The following TCF12 variants were observed in gnomAD, a reference collection of about 807,000 sequenced individuals.
The protein encoded by TCF12 is DNA-binding protein HTF4.
In TCF12, 45 loss-of-function variants were observed where a neutral mutation model predicts 86.0. The observed-to-expected ratio is 0.52, with a 90% CI of 0.41 to 0.67. The LOEUF (loss-of-function observed/expected upper bound fraction) is 0.67, where lower values mean the gene tolerates loss of function less well. Ranked by LOEUF, TCF12 falls within the 30% of genes least tolerant of loss-of-function variation. The pLI, the probability that TCF12 is intolerant of heterozygous loss-of-function variation, is 0.00. For synonymous variants in TCF12, 330 were observed against 299.6 expected (o/e 1.10, Z -1.05); for missense variants, 881 against 859.9 (o/e 1.02, Z -0.31).
At chr15:56,946,798 C>CTT (rs71113039) in intron 3 of TCF12, among the ~76,000 whole-genome samples, 2,333 of 113,530 alleles carry the variant, frequency 0.021, 110 homozygotes, top group Non-Finnish European at 0.029. Context: ...TCTAAAGTAC[C>CTT]TTTTTTTTTT....
chr15:57,278,809 C>T (rs2061541674), intron 19 of TCF12: 1 of 149,376 alleles, frequency 6.7e-6, no homozygotes, highest in Non-Finnish European at 1.5e-5. Context: ...GTCCCTGTCT[C>T]TCCTTTTCTT....
At chr15:57,021,899 C>T (rs531127256) in intron 3 of TCF12, among the ~76,000 whole-genome samples, 1 of 152,024 alleles carries the variant, frequency 6.6e-6, no homozygotes, top group East Asian at 1.9e-4. Context: ...TTAATCAGTC[C>T]CCGGCTTGTA....
At chr15:57,030,712 C>A (rs2066119012) in intron 3 of TCF12, among the ~76,000 whole-genome samples, 1 of 152,130 alleles carries the variant, frequency 6.6e-6, no homozygotes. Flanking sequence ...TCTTCTTTTT[C>A]TGTTTTCAAT....
intron 6 of TCF12, among the ~76,000 whole-genome samples, chr15:57,177,916 G>T (rs897595873): frequency 1.3e-5 from 2 of 151,916 alleles, no homozygotes; most frequent in African/African-American, 4.8e-5. Context: ...TTGCCATGTT[G>T]CCCAGGCTGC....
chr15:56,998,391 A>C (rs1567226076), intron 3 of TCF12, among the ~76,000 whole-genome samples: 1 of 149,516 alleles, frequency 6.7e-6, no homozygotes, highest in East Asian at 2.0e-4. Context: ...CAGGAGGTGG[A>C]GACTGCAGTG....
At chr15:56,927,413 A>T (rs1439307837) in intron 3 of TCF12, among the ~76,000 whole-genome samples, 1 of 152,176 alleles carries the variant, frequency 6.6e-6, no homozygotes, top group Non-Finnish European at 1.5e-5. Flanking sequence ...TTTTTCTTAT[A>T]GTTCCGTTTG....
intron 4 of TCF12, among the ~76,000 whole-genome samples, chr15:57,073,591 C>A (rs1407589561): frequency 3.3e-5 from 5 of 152,166 alleles, no homozygotes; most frequent in Non-Finnish European, 7.3e-5. Context: ...AGGTAGATAA[C>A]TTATCAGATA....
Position 57,286,254 on chromosome 15 carries a change from A to G in TCF12, c.*109A>G, listed in dbSNP as rs1372354236. Reference sequence around the variant, plus strand: ...AAGACACAAACCTGACAGGAGGGAGAAGAAAAAACAAAACACTTGAACCAA... The same window carrying G: ...AAGACACAAACCTGACAGGAGGGAGGAGAAAAAACAAAACACTTGAACCAA... On this transcript the variant is annotated 3_prime_UTR_variant, in exon 21 of 21. Transcript: ENST00000333725. 1.0e-5 allele frequency: 2 copies of G among 199,670 alleles called. No individual in the cohort carries two copies. Among genetic ancestry groups the G allele is most frequent in the African/African-American group, 4.7e-5 (2 of 42,576 alleles). 12.4% of individuals were successfully genotyped at this position (199,670 alleles called of 1,614,324 possible). A position where few individuals can be genotyped will look rare whatever the true frequency, so the allele number is the denominator to read the frequency against.
chr15:57,282,294 T>A, intron 19 of TCF12, 151 bp from the exon 20 acceptor site: 3 of 846,870 alleles, frequency 3.5e-6, no homozygotes, highest in Non-Finnish European at 5.5e-6. Context: ...CTCAGTTCAA[T>A]GCTGAGGTTT....
intron 5 of TCF12, among the ~76,000 whole-genome samples, chr15:57,137,044 A>C (rs1242487418): frequency 7.8e-6 from 1 of 128,562 alleles, no homozygotes. Context: ...CAGTGGCGCG[A>C]TCTCGGCTCA....
intron 6 of TCF12, among the ~76,000 whole-genome samples, chr15:57,181,767 A>G (rs1248296973): frequency 1.3e-5 from 2 of 152,324 alleles, no homozygotes; most frequent in African/African-American, 4.8e-5. Flanking sequence ...CACAGGCTAG[A>G]GGTTTGTCAT....
At chr15:57,024,124 A>G (rs1328933227) in intron 3 of TCF12, among the ~76,000 whole-genome samples, 2 of 152,072 alleles carry the variant, frequency 1.3e-5, no homozygotes, top group African/African-American at 4.8e-5. Context: ...AAGAAGCAAG[A>G]CAAATAACTG....
At chr15:57,119,116 C>T (rs985576122) in intron 5 of TCF12, among the ~76,000 whole-genome samples, 1 of 151,838 alleles carries the variant, frequency 6.6e-6, no homozygotes, top group African/African-American at 2.4e-5. Flanking sequence ...TTTTTTGTGA[C>T]GGAGTCTCAC....
At chr15:56,962,412 C>T (rs1486643478) in intron 3 of TCF12, among the ~76,000 whole-genome samples, 2 of 151,990 alleles carry the variant, frequency 1.3e-5, no homozygotes, top group African/African-American at 4.8e-5. Context: ...TGTTCTTAGT[C>T]GCCTTTAGTC....
chr15:57,059,889 A>G (rs1157245738), intron 3 of TCF12, among the ~76,000 whole-genome samples: 1 of 151,688 alleles, frequency 6.6e-6, no homozygotes, highest in African/African-American at 2.4e-5. Context: ...TGGTGGCTTG[A>G]TGAAAGGGAA....
chr15:57,123,518 T>C (rs1196193081), intron 5 of TCF12, among the ~76,000 whole-genome samples: 1 of 152,076 alleles, frequency 6.6e-6, no homozygotes, highest in Non-Finnish European at 1.5e-5. Context: ...TTCTCTTTTT[T>C]TTTTTCTTTT....
At chr15:57,037,167 G>C (rs1303833414) in intron 3 of TCF12, among the ~76,000 whole-genome samples, 1 of 152,138 alleles carries the variant, frequency 6.6e-6, no homozygotes, top group African/African-American at 2.4e-5. Context: ...AGTATAAGGG[G>C]CTCGAGCACG....
intron 3 of TCF12, among the ~76,000 whole-genome samples, chr15:57,017,920 C>T (rs2065247671): frequency 6.6e-6 from 1 of 152,044 alleles, no homozygotes; most frequent in Non-Finnish European, 1.5e-5. Context: ...GGAAAGAAGG[C>T]AAGGGACACC....
chr15:57,235,642 GGT>G (rs1445337896), intron 12 of TCF12, among the ~76,000 whole-genome samples: 2 of 152,178 alleles, frequency 1.3e-5, no homozygotes, highest in Admixed American at 1.3e-4. Flanking sequence ...AAGGTCTCCA[GGT>G]ATTTGATTGG....
Sources: gnomAD v4.1 joint callset for allele counts (sites outside exome capture counted in the v4.1 genomes callset) on GRCh38, gnomAD v4.1.1 for gene constraint, MANE v1.5 for transcripts, NCBI Gene and HGNC (gene_info 2026-07-23, HGNC 2026-07-21) for gene names.